Variants in ARVCF observed in about 807,000 individuals in gnomAD.
ARVCF encodes splicing regulator ARVCF.
ARVCF carries 66 observed loss-of-function variants against 90.9 expected under a neutral mutation model. That is an observed-to-expected ratio of 0.73 (90% CI 0.60 to 0.89). ARVCF has a LOEUF of 0.89. ARVCF is among the 40% of genes least tolerant of loss of function. ARVCF has a pLI of 0.00. For missense variants in ARVCF, 1,469 were observed against 1,382.3 expected, an observed-to-expected ratio of 1.06 and a Z score of -1.00; for synonymous variants, 653 against 603.4, an observed-to-expected ratio of 1.08 and a Z score of -1.21.
chr22:19,992,052 G>A (rs1944048091), intron 2 of ARVCF, among the ~76,000 whole-genome samples: 1 of 152,260 alleles, frequency 6.6e-6, no homozygotes, highest in Non-Finnish European at 1.5e-5. Context: ...CAAGGACAGA[G>A]AGCCCCCAAG....
chr22:19,971,394 G>T, intron 18 of ARVCF, 59 bp from the exon 19 acceptor site: 1 of 1,515,618 alleles, frequency 6.6e-7, no homozygotes, highest in South Asian at 1.3e-5. Context: ...GAGCTCCTGG[G>T]GGGACAGGGC....
intron 3 of ARVCF, chr22:19,987,019 G>A (rs543999958): frequency 2.8e-5 from 18 of 647,406 alleles, no homozygotes; most frequent in South Asian, 2.8e-4. Flanking sequence ...CCGACGCCCC[G>A]CCCTCTGCCT....
rs770483203 is a variant in ARVCF, at chr22:19,975,749, C to G, written c.1897G>C (p.Asp633His). The change falls in exon 11 of 20, where the codon GAT becomes CAT. Residue 633 changes from aspartate (D) to histidine (H), a missense_variant. Coordinates refer to ENST00000263207, the MANE Select transcript of ARVCF (RefSeq NM_001670.3). The stretch of plus-strand genomic sequence containing the variant: ...TCAAAGTTCCGGTCCATCTCACCAT[C>G]CTTCTTTCCTGGAAGGGAAAGGTGG... ...KEEWFHQGKK[D>H]GEMDRNFDTL... is the part of the protein sequence containing the mutation. The G allele has an allele frequency of 6.2e-6, 10 of 1,613,586 alleles. No homozygotes were observed. Among genetic ancestry groups the G allele is most frequent in the Middle Eastern group, 3.3e-4 (2 of 6,058 alleles).
intron 2 of ARVCF, among the ~76,000 whole-genome samples, chr22:19,991,987 G>A (rs1441245492): frequency 6.6e-6 from 1 of 152,252 alleles, no homozygotes; most frequent in African/African-American, 2.4e-5. Context: ...CGCACTGCGG[G>A]TGACATCCCC....
downstream of ARVCF, chr22:19,967,678 A>G (rs1942493021): frequency 1.4e-5 from 4 of 295,750 alleles, no homozygotes; most frequent in South Asian, 1.2e-4. Context: ...TGATTTTATT[A>G]TACTTTAGAT....
downstream of ARVCF, chr22:19,965,186 C>T (rs1942323083): frequency 6.5e-6 from 1 of 154,184 alleles, no homozygotes; most frequent in African/African-American, 2.4e-5. Context: ...TCAGGGCACA[C>T]AGGACTTTGG....
At chr22:19,998,574 G>C (rs1944337084) in intron 2 of ARVCF, among the ~76,000 whole-genome samples, 3 of 152,216 alleles carry the variant, frequency 2.0e-5, no homozygotes, top group African/African-American at 7.2e-5. Flanking sequence ...AGGCTGGGCA[G>C]AGACAGCACC....
intron 15 of ARVCF, 42 bp from the exon 16 acceptor site, chr22:19,972,869 G>A (rs750389520): frequency 4.3e-6 from 7 of 1,613,586 alleles, no homozygotes; most frequent in African/African-American, 1.3e-5. Context: ...GAAGCACATG[G>A]AGTGGGAATA....
At chr22:19,979,317 C>G (rs1943346806) in intron 6 of ARVCF, 4 of 558,264 alleles carry the variant, frequency 7.2e-6, no homozygotes, top group African/African-American at 1.9e-5. Context: ...CCCGTCCCAC[C>G]CATTCCCTGC....
In ARVCF at chr22:19,976,692, A is replaced by G; in HGVS notation, c.1888+14T>C. ...ACACGCCAGGCCTGGAGAGCAGGAT[A>G]AAAAGGGACTCACCTTGGTGGAACC... is the stretch of plus-strand genomic sequence containing the variant. On this transcript the variant is annotated intron_variant, in intron 10 of 19. Transcript: ENST00000263207. The G allele has an allele frequency of 6.4e-7, 1 of 1,557,550 alleles. No homozygotes were observed. The highest frequency in any genetic ancestry group is 8.7e-7 in the Non-Finnish European group (1 of 1,150,418).
Position 20,002,668 on chromosome 22 carries a change from T to C in ARVCF, c.-19+7787A>G, listed in dbSNP as rs551758684. On this transcript the variant is annotated intron_variant, in intron 2 of 19. Transcript: ENST00000263207. ...GAAGAATTCAGGAGTAAATGAGGCC[T>C]GGATAACCCAAGGGATCCTGTGCTT... is the stretch of plus-strand genomic sequence containing the variant. Among the ~76,000 whole-genome samples, 3 of 152,320 alleles carry C rather than the reference T, an allele frequency of 2.0e-5. No homozygotes were observed. In the South Asian group the frequency reaches 6.2e-4, roughly 32 times the overall value.
intron 8 of ARVCF, 22 bp downstream of exon 8, chr22:19,977,936 G>T: frequency 6.3e-7 from 1 of 1,586,234 alleles, no homozygotes; most frequent in Non-Finnish European, 8.6e-7. Context: ...CTTGGTATGA[G>T]GCTGTGACCG....
intron 2 of ARVCF, among the ~76,000 whole-genome samples, chr22:19,992,334 A>T (rs1944060209): frequency 6.6e-6 from 1 of 152,230 alleles, no homozygotes; most frequent in African/African-American, 2.4e-5. Flanking sequence ...GAATGCAGGG[A>T]GAGCTGGGGG....
Position 19,990,618 on chromosome 22 carries a change from G to A in ARVCF, c.177C>T (p.Pro59=), listed in dbSNP as rs375368114. ...MVSGGMGSGQ[P]LPMAWQQLVL... ...CCAGCTGTTGCCAGGCCATTGGCAG[G>A]GGCTGCCCACTGCCCATGCCACCAC... The change falls in exon 3 of 20, where the codon CCC becomes CCT. Residue 59 remains proline, a synonymous_variant. Transcript: ENST00000263207. The A allele has an allele frequency of 8.7e-6, 14 of 1,610,076 alleles. No homozygotes were observed. The African/African-American group carries it at 1.9e-4, about 21-fold the overall frequency.
chr22:19,979,426 C>T (rs527906759), intron 6 of ARVCF: 413 of 536,142 alleles, frequency 7.7e-4, no homozygotes, highest in Non-Finnish European at 1.2e-3. Context: ...CAAGCCCCAC[C>T]ACTGCACGGT....
intron 10 of ARVCF, among the ~76,000 whole-genome samples, chr22:19,976,191 G>T (rs1436974019): frequency 6.6e-6 from 1 of 152,120 alleles, no homozygotes; most frequent in Non-Finnish European, 1.5e-5. Context: ...CCCCAGCTGG[G>T]GTCAGGACAT....
chr22:19,981,457 G>A lies in ARVCF; in HGVS notation c.650C>T (p.Pro217Leu), dbSNP rs1276316016. 1 of 1,547,114 alleles carries A rather than the reference G, an allele frequency of 6.5e-7. No homozygotes were observed. Among genetic ancestry groups the A allele is most frequent in the Non-Finnish European group, 8.7e-7 (1 of 1,147,892 alleles). Residue 217 changes from proline to leucine, a missense_variant, in exon 5 of 20, where the codon CCC (proline) becomes CTC (leucine). By Grantham distance (98) the Pro-to-Leu change is moderately conservative (BLOSUM62 -3). Transcript: ENST00000263207. ...GCCATCACCAGGGCCTGGGCCAAGG[G>A]GGCCAGCACGTGGGGGCCGCATGCC... Reference protein sequence around the residue: ...GLGMRPPRAGPLGPGPGDGCF... With the variant: ...GLGMRPPRAGLLGPGPGDGCF...
intron 2 of ARVCF, among the ~76,000 whole-genome samples, chr22:19,993,729 A>G (rs1471932244): frequency 6.6e-6 from 1 of 152,264 alleles, no homozygotes; most frequent in Non-Finnish European, 1.5e-5. Flanking sequence ...GACATTGCAC[A>G]GCCCACGAGT....
chr22:19,987,553 C>T (rs1943863032), intron 3 of ARVCF, among the ~76,000 whole-genome samples: 1 of 152,132 alleles, frequency 6.6e-6, no homozygotes, highest in African/African-American at 2.4e-5. Flanking sequence ...GGAAACAGTT[C>T]CGGCAGGGCA....
Sources: allele counts gnomAD v4.1 joint callset (sites outside exome capture counted in the v4.1 genomes callset), GRCh38; gene constraint gnomAD v4.1.1; transcripts MANE v1.5; gene names NCBI Gene and HGNC (gene_info 2026-07-23, HGNC 2026-07-21).